The following UGT2A2 variants were observed in gnomAD, a reference collection of about 807,000 sequenced individuals.
UGT2A2 encodes the protein UDP glucuronosyltransferase family 2 member A2.
UGT2A2 carries 60 observed loss-of-function variants against 50.7 expected under a neutral mutation model. The ratio of observed to expected loss-of-function variants is 1.18; its 90% CI spans 0.96 to 1.47. UGT2A2 has a LOEUF of 1.47. UGT2A2 is among the 40% of genes most tolerant of loss of function. The pLI, the probability that UGT2A2 is intolerant of heterozygous loss-of-function variation, is 0.00. For synonymous variants in UGT2A2, 242 were observed against 214.6 expected, an observed-to-expected ratio of 1.13 and a Z score of -1.11; for missense variants, 762 against 634.0, an observed-to-expected ratio of 1.20 and a Z score of -2.17.
At chr4:69,630,091 A>T (rs1391289468) in intron 1 of UGT2A2, among the ~76,000 whole-genome samples, 1 of 152,056 alleles carries the variant, frequency 6.6e-6, no homozygotes, top group African/African-American at 2.4e-5. Flanking sequence ...TGTAATTAAG[A>T]TTATATTAAA....
intron 1 of UGT2A2, among the ~76,000 whole-genome samples, chr4:69,613,189 A>G (rs1720172839): frequency 1.3e-5 from 2 of 151,910 alleles, no homozygotes; most frequent in Admixed American, 1.3e-4. Flanking sequence ...TATAAAACAG[A>G]CATATAGACA....
At chr4:69,622,271 G>A in intron 1 of UGT2A2, among the ~76,000 whole-genome samples, 1 of 151,696 alleles carries the variant, frequency 6.6e-6, no homozygotes, top group South Asian at 2.1e-4. Context: ...ACATAACAAA[G>A]TAATAATATA....
chr4:69,626,116 T>G (rs1001474332), intron 1 of UGT2A2, among the ~76,000 whole-genome samples: 1 of 151,482 alleles, frequency 6.6e-6, no homozygotes. Context: ...ACTTCATAAC[T>G]TTTTTTTCTG....
In UGT2A2 at chr4:69,597,715, AACAC is replaced by A. The variant is rs71671445; in HGVS notation, c.892-1338_892-1335del. On this transcript the variant is annotated intron_variant, in intron 2 of 5. Transcript: ENST00000604629. ...CAAACAGATATTAATTCATTAAAATAACACACACACACACACACACAAACATACA... is the reference window on the plus strand; with the variant it reads ...CAAACAGATATTAATTCATTAAAATAACACACACACACACACAAACATACA... 3.1e-4 allele frequency among the ~76,000 whole-genome samples: 47 copies of A among 150,352 alleles called. 1 individual carries two copies. The Middle Eastern group carries it at 0.01, about 33-fold the overall frequency.
Position 69,592,808 on chromosome 4 carries a change from C to CA in UGT2A2, c.1331+1668dup, listed in dbSNP as rs530219488. Among the ~76,000 whole-genome samples the CA allele has an allele frequency of 1.1e-4, 17 of 151,394 alleles. No individual in the cohort carries two copies. The South Asian group carries it at 1.7e-3, about 15-fold the overall frequency. ...ATAAAAGGCATTCAAAGAAATAATA[C>CA]AAAAAAAATTAATTTCTGAAAAGAA... On this transcript the variant is annotated intron_variant, in intron 5 of 5. Transcript: ENST00000604629.
Position 69,589,085 on chromosome 4 carries a change from A to G in UGT2A2, c.*287T>C, listed in dbSNP as rs1362766828. The G allele has an allele frequency of 4.0e-6, 1 of 247,586 alleles. No individual in the cohort carries two copies. The highest frequency in any genetic ancestry group is 2.2e-5 in the African/African-American group (1 of 44,612). The allele number at this position is 247,586 out of a possible 1,614,324, so 15.3% of individuals were successfully genotyped here. A position where few individuals can be genotyped will look rare whatever the true frequency, so the allele number is the denominator to read the frequency against. ...AATAATTTGATACTATGAATAGAAC[A>G]TATTTAAAATTAGGTAGTATCCTTG... On this transcript the variant is annotated 3_prime_UTR_variant, in exon 6 of 6. Transcript: ENST00000604629.
intron 1 of UGT2A2, among the ~76,000 whole-genome samples, chr4:69,619,426 A>ATAAAC: frequency 6.6e-6 from 1 of 151,298 alleles, no homozygotes; most frequent in African/African-American, 2.4e-5. Flanking sequence ...AATACATAAA[A>ATAAAC]TAAAATAAAA....
intron 1 of UGT2A2, among the ~76,000 whole-genome samples, chr4:69,605,162 T>G (rs1276078398): frequency 1.5e-5 from 2 of 136,572 alleles, no homozygotes; most frequent in African/African-American, 5.9e-5. Context: ...ATTGACCACA[T>G]AGTTGGAAGT....
chr4:69,625,662 CAT>C (rs1464544457), intron 1 of UGT2A2, among the ~76,000 whole-genome samples: 1 of 150,638 alleles, frequency 6.6e-6, no homozygotes, highest in Non-Finnish European at 1.5e-5. Context: ...TTCTTTTGGC[CAT>C]ACCCTATTTT....
At position 69,588,669 on chromosome 4, in the gene UGT2A2, G is replaced by T. The variant is rs183196074; in HGVS notation, c.*703C>A. The stretch of plus-strand genomic sequence containing the variant: ...AGAACTTTCTCCTTGAAATAAAAGA[G>T]TCGATTGATTGATTTATTAAAGACA... On this transcript the variant is annotated 3_prime_UTR_variant, in exon 6 of 6. Transcript: ENST00000604629. 3.9e-5 allele frequency: 6 copies of T among 152,044 alleles called. No homozygotes were observed. The highest frequency in any genetic ancestry group is 3.9e-4 in the Admixed American group (6 of 15,246). 9.4% of individuals were successfully genotyped at this position (152,044 alleles called of 1,614,324 possible). A position where few individuals can be genotyped will look rare whatever the true frequency, so the allele number is the denominator to read the frequency against.
At chr4:69,625,661 C>T (rs533135429) in intron 1 of UGT2A2, among the ~76,000 whole-genome samples, 4 of 150,972 alleles carry the variant, frequency 2.6e-5, no homozygotes, top group African/African-American at 9.7e-5. Context: ...GTTCTTTTGG[C>T]CATACCCTAT....
chr4:69,611,489 C>G (rs1720046899), intron 1 of UGT2A2, among the ~76,000 whole-genome samples: 1 of 151,744 alleles, frequency 6.6e-6, no homozygotes, highest in South Asian at 2.1e-4. Context: ...TGACAAGGTT[C>G]ATAATATATT....
At chr4:69,621,272 T>C (rs1720739148) in intron 1 of UGT2A2, among the ~76,000 whole-genome samples, 1 of 151,776 alleles carries the variant, frequency 6.6e-6, no homozygotes, top group African/African-American at 2.4e-5. Flanking sequence ...TAATATCCAG[T>C]ATTTACAGGG....
At chr4:69,634,106 T>G (rs11931171) in intron 1 of UGT2A2, among the ~76,000 whole-genome samples, 40,153 of 151,572 alleles carry the variant, frequency 0.26, 5,500 homozygotes, top group Middle Eastern at 0.31. Context: ...TTAGCCGGGC[T>G]TGGTGACCGG....
At chr4:69,619,148 A>G (rs1206201715) in intron 1 of UGT2A2, among the ~76,000 whole-genome samples, 2 of 151,998 alleles carry the variant, frequency 1.3e-5, no homozygotes, top group African/African-American at 4.8e-5. Context: ...CTACAATCCC[A>G]GTACTTTGGT....
At position 69,596,381 on chromosome 4, in the gene UGT2A2, C is replaced by G; in HGVS notation, c.892G>C (p.Glu298Gln). 6.3e-7 allele frequency: 1 copy of G among 1,586,512 alleles called. No homozygotes were observed. The highest frequency in any genetic ancestry group is 1.2e-5 in the South Asian group (1 of 86,664). The change falls in exon 3 of 6, where the codon GAA becomes CAA. Residue 298 changes from glutamate to glutamine, a missense_variant and splice_region_variant. Glu to Gln is a conservative substitution (Grantham distance 29). Coordinates refer to ENST00000604629, the MANE Select transcript of UGT2A2 (RefSeq NM_001105677.2). ...GAGCTCTGGATAAATTCTTCCATTT[C>G]CTGCATACATAATATATTTTCTATT... The part of the protein sequence containing the change: ...HCKPAKPLPK[E>Q]MEEFIQSSGK...
At chr4:69,609,808 A>G (rs959653525) in intron 1 of UGT2A2, among the ~76,000 whole-genome samples, 1 of 152,214 alleles carries the variant, frequency 6.6e-6, no homozygotes, top group Non-Finnish European at 1.5e-5. Flanking sequence ...CCACAAAAAA[A>G]TTACAGTCAA....
At position 69,588,645 on chromosome 4, in the gene UGT2A2, GA is replaced by G. The variant is rs1279077220; in HGVS notation, c.*726del. 2 of 151,668 alleles carry G rather than the reference GA, an allele frequency of 1.3e-5. No individual in the cohort carries two copies. Among genetic ancestry groups the G allele is most frequent in the African/African-American group, 4.8e-5 (2 of 41,284 alleles). 9.4% of individuals were successfully genotyped at this position (151,668 alleles called of 1,614,324 possible). On this transcript the variant is annotated 3_prime_UTR_variant, in exon 6 of 6. Coordinates refer to ENST00000604629, the MANE Select transcript of UGT2A2 (RefSeq NM_001105677.2). ...CTGTTCACCTTCAACATATAACATAGAACTTTCTCCTTGAAATAAAAGAGTC... is the reference window on the plus strand; with the variant it reads ...CTGTTCACCTTCAACATATAACATAGACTTTCTCCTTGAAATAAAAGAGTC...
chr4:69,612,907 G>GA (rs34670944), intron 1 of UGT2A2, among the ~76,000 whole-genome samples: 86,301 of 139,844 alleles, frequency 0.62, 26,552 homozygotes, highest in East Asian at 0.77. Flanking sequence ...AACCTCTGCA[G>GA]AAAAAAAAAA....
Sources: gnomAD v4.1 joint callset for allele counts (sites outside exome capture counted in the v4.1 genomes callset) on GRCh38, gnomAD v4.1.1 for gene constraint, MANE v1.5 for transcripts, NCBI Gene and HGNC (gene_info 2026-07-23, HGNC 2026-07-21) for gene names.